VAX2: variants seen among roughly 807,000 people sequenced by gnomAD.
VAX2 encodes ventral anterior homeobox 2.
VAX2 carries 8 observed loss-of-function variants against 12.5 expected under a neutral mutation model. The ratio of observed to expected loss-of-function variants is 0.64; its 90% confidence interval spans 0.37 to 1.15. VAX2 has a LOEUF of 1.15. Ranked by LOEUF, VAX2 falls within the 50% of genes most tolerant of loss-of-function variation. VAX2 has a pLI of 0.01. For synonymous variants in VAX2, 183 were observed against 187.6 expected, an observed-to-expected ratio of 0.98 and a Z score of 0.20; for missense variants, 476 against 412.9, an observed-to-expected ratio of 1.15 and a Z score of -1.32.
chr2:70,909,495 T>C (rs1679136779), intron 1 of VAX2, among the ~76,000 whole-genome samples: 1 of 152,200 alleles, frequency 6.6e-6, no homozygotes, highest in Non-Finnish European at 1.5e-5. Flanking sequence ...AAGCAATCCA[T>C]ACTATTTTGC....
chr2:70,915,191 T>G (rs371854461), intron 1 of VAX2, among the ~76,000 whole-genome samples: 1 of 152,154 alleles, frequency 6.6e-6, no homozygotes, highest in African/African-American at 2.4e-5. Context: ...TTTTTAGCTT[T>G]AATATAGTCA....
At chr2:70,902,620 C>G (rs1381626630) in intron 1 of VAX2, among the ~76,000 whole-genome samples, 1 of 152,208 alleles carries the variant, frequency 6.6e-6, no homozygotes, top group Non-Finnish European at 1.5e-5. Flanking sequence ...ATTGTGAGTT[C>G]TGTGCCCACC....
chr2:70,914,107 T>C (rs367917710), intron 1 of VAX2, among the ~76,000 whole-genome samples: 1 of 152,196 alleles, frequency 6.6e-6, no homozygotes, highest in African/African-American at 2.4e-5. Flanking sequence ...TTGTTGTATA[T>C]ACTTTGGAGC....
At chr2:70,909,277 C>A (rs1297607362) in intron 1 of VAX2, among the ~76,000 whole-genome samples, 1 of 152,090 alleles carries the variant, frequency 6.6e-6, no homozygotes, top group Non-Finnish European at 1.5e-5. Context: ...GCAGTCCCCC[C>A]ACCTCAGCCT....
At chr2:70,920,171 G>A (rs1679420988) in intron 1 of VAX2, among the ~76,000 whole-genome samples, 1 of 152,190 alleles carries the variant, frequency 6.6e-6, no homozygotes, top group African/African-American at 2.4e-5. Flanking sequence ...TGTAGGGAGT[G>A]ATTTTGTAAA....
At chr2:70,902,897 TA>T (rs1275365656) in intron 1 of VAX2, among the ~76,000 whole-genome samples, 26 of 152,226 alleles carry the variant, frequency 1.7e-4, no homozygotes, top group African/African-American at 6.0e-4. Flanking sequence ...AATGCATTTG[TA>T]AAATATAATC....
chr2:70,919,379 G>A (rs1166090346), intron 1 of VAX2, among the ~76,000 whole-genome samples: 2 of 151,580 alleles, frequency 1.3e-5, no homozygotes, highest in East Asian at 1.9e-4. Flanking sequence ...AATTCATGGA[G>A]ACATTGAGAA....
At chr2:70,925,211 T>C (rs1679541551) in intron 2 of VAX2, among the ~76,000 whole-genome samples, 1 of 152,212 alleles carries the variant, frequency 6.6e-6, no homozygotes, top group Non-Finnish European at 1.5e-5. Flanking sequence ...ATTGGCATTT[T>C]ACAGAGGTTC....
chr2:70,927,562 TC>T (rs1679601967), intron 2 of VAX2, among the ~76,000 whole-genome samples: 1 of 150,448 alleles, frequency 6.6e-6, no homozygotes, highest in Non-Finnish European at 1.5e-5. Context: ...GGGCCCATGG[TC>T]ACAGAAAACA....
At chr2:70,927,428 G>T (rs1322139380) in intron 2 of VAX2, among the ~76,000 whole-genome samples, 12 of 151,592 alleles carry the variant, frequency 7.9e-5, no homozygotes, top group Admixed American at 7.3e-4. Flanking sequence ...TCAGCCTCAT[G>T]CTTGATGCCT....
Position 70,904,115 on chromosome 2 carries a change from G to A in VAX2, c.247+3247G>A, listed in dbSNP as rs1292841555. 6.6e-6 allele frequency among the ~76,000 whole-genome samples: 1 copy of A among 152,216 alleles called. No homozygotes were observed. Among genetic ancestry groups the A allele is most frequent in the East Asian group, 1.9e-4 (1 of 5,196 alleles). On this transcript the variant is annotated intron_variant, in intron 1 of 2. Coordinates refer to ENST00000234392, the MANE Select transcript of VAX2 (RefSeq NM_012476.3). The surrounding 1 kb of genome is among the most constrained non-coding windows in gnomAD (Gnocchi z 4.2). The stretch of plus-strand genomic sequence containing the variant: ...CCGCACATCGCACCGCGGACGCAGC[G>A]ATCCTCCCATTTGTACCCTAAGGCC...
chr2:70,918,228 T>A (rs1679350447), intron 1 of VAX2, among the ~76,000 whole-genome samples: 1 of 152,162 alleles, frequency 6.6e-6, no homozygotes, highest in Non-Finnish European at 1.5e-5. Context: ...CTGGCTCACC[T>A]TTTCCCTGAG....
chr2:70,926,620 A>G (rs1679579154), intron 2 of VAX2, among the ~76,000 whole-genome samples: 1 of 152,162 alleles, frequency 6.6e-6, no homozygotes, highest in Non-Finnish European at 1.5e-5. Context: ...CTCAGCCCAG[A>G]GGTTCCCAGT....
chr2:70,932,660 CA>C, intron 2 of VAX2, 106 bp from the exon 3 acceptor site: 1 of 316,592 alleles, frequency 3.2e-6, no homozygotes. Context: ...CCCCATCCAC[CA>C]CCTGCCCCAA....
chr2:70,900,861 G>A lies in VAX2; in HGVS notation c.240G>A (p.Leu80=). The A allele has an allele frequency of 7.0e-7, 1 of 1,422,450 alleles. No individual in the cohort carries two copies. The highest frequency in any genetic ancestry group is 9.2e-7 in the Non-Finnish European group (1 of 1,084,402). The allele number at this position is 1,422,450 out of a possible 1,614,324, so 88.1% of individuals were successfully genotyped here. A position where few individuals can be genotyped will look rare whatever the true frequency, so the allele number is the denominator to read the frequency against. The change falls in exon 1 of 3, where the codon CTG becomes CTA. Residue 80 remains leucine, a synonymous_variant. Coordinates refer to ENST00000234392, the MANE Select transcript of VAX2 (RefSeq NM_012476.3). ...PGEADHCRRI[L]VRDAKGTIRE... ...AGGCAGACCACTGCCGCCGCATACT[G>A]GTGCGAGGTAAGGGGACAGCCCGCG...
chr2:70,914,495 T>A (rs1553411661), intron 1 of VAX2, among the ~76,000 whole-genome samples: 1 of 152,202 alleles, frequency 6.6e-6, no homozygotes, highest in Non-Finnish European at 1.5e-5. Context: ...TGTGCATCTT[T>A]AATCTTGATA....
intron 1 of VAX2, among the ~76,000 whole-genome samples, chr2:70,910,535 A>T (rs1257689430): frequency 6.6e-6 from 1 of 152,086 alleles, no homozygotes; most frequent in African/African-American, 2.4e-5. Flanking sequence ...AATTTTTTAG[A>T]GTGAAATCTT....
intron 2 of VAX2, among the ~76,000 whole-genome samples, chr2:70,931,049 T>C (rs2104789161): frequency 6.6e-6 from 1 of 152,172 alleles, no homozygotes; most frequent in Non-Finnish European, 1.5e-5. Context: ...TTCTAGTGCC[T>C]ACAAGTGATT....
intron 2 of VAX2, among the ~76,000 whole-genome samples, chr2:70,922,717 G>C (rs1001341612): frequency 1.3e-5 from 2 of 152,166 alleles, no homozygotes; most frequent in Non-Finnish European, 2.9e-5. Context: ...GCAGGGCCGG[G>C]TCATCTCCAC....
Sources: gnomAD v4.1 joint callset for allele counts (sites outside exome capture counted in the v4.1 genomes callset) on GRCh38, gnomAD v4.1.1 for gene constraint, Gnocchi (gnomAD v3.1) non-coding constraint, MANE v1.5 for transcripts, NCBI Gene and HGNC (gene_info 2026-07-23, HGNC 2026-07-21) for gene names.